Variants in KIAA1549 observed in about 807,000 individuals in gnomAD.
The protein encoded by KIAA1549 is KIAA1549, also known as UPF0606 protein KIAA1549.
A neutral mutation model predicts 156.4 loss-of-function variants in KIAA1549; 70 were observed. The observed-to-expected ratio is 0.45, with a 90% confidence interval of 0.37 to 0.55. The LOEUF (loss-of-function observed/expected upper bound fraction) is 0.55, where lower values mean the gene tolerates loss of function less well. Among genes scored for constraint, KIAA1549 ranks in the 20% least tolerant of loss-of-function variants. The pLI, the probability that KIAA1549 is intolerant of heterozygous loss-of-function variation, is 0.00. For missense variants in KIAA1549, 2,428 were observed against 2,540.9 expected (o/e 0.96, Z 0.96); for synonymous variants, 1,103 against 1,066.4 (o/e 1.03, Z -0.67).
intron 17 of KIAA1549, among the ~76,000 whole-genome samples, chr7:138,848,537 T>A (rs1307132102): frequency 6.6e-6 from 1 of 152,212 alleles, no homozygotes; most frequent in Non-Finnish European, 1.5e-5. Flanking sequence ...TAATATGAGA[T>A]CCTTTTGTGT....
rs1303920872 is a variant in KIAA1549 at position 138,834,590 on chromosome 7, CAGAA to C, written c.*3312_*3315del. The C allele has an allele frequency of 8.6e-6, 2 of 231,222 alleles. No homozygotes were observed. The highest frequency in any genetic ancestry group is 2.2e-5 in the African/African-American group (1 of 45,196). The allele number at this position is 231,222 out of a possible 1,614,324, so 14.3% of individuals were successfully genotyped here. A position where few individuals can be genotyped will look rare whatever the true frequency, so the allele number is the denominator to read the frequency against. On this transcript the variant is annotated 3_prime_UTR_variant, in exon 20 of 20. Coordinates refer to ENST00000422774, the MANE Select transcript of KIAA1549 (RefSeq NM_001164665.2). ...CTGGGTTATTTGGTGCCAGAGACAC[CAGAA>C]AGTCGGGAGCAGAAAGATGCTTAAT...
intron 1 of KIAA1549, among the ~76,000 whole-genome samples, chr7:138,948,694 CTT>C (rs11325172): frequency 0.11 from 15,417 of 138,082 alleles, 1,287 homozygotes; most frequent in African/African-American, 0.25. Context: ...TGTTTTGTGG[CTT>C]TTTTTTTTTT....
Position 138,917,676 on chromosome 7 carries a change from C to A in KIAA1549, c.1950G>T (p.Leu650=). The change falls in exon 2 of 20, where the codon CTG becomes CTT. Residue 650 remains leucine (L), a synonymous_variant. Coordinates refer to ENST00000422774, the MANE Select transcript of KIAA1549 (RefSeq NM_001164665.2). The part of the protein sequence containing the change: ...SPSEAPASLS[L]MPSDLSPFTS... Reference sequence around the variant, plus strand: ...TGAAGGGGGACAAGTCACTCGGCATCAGAGACAGAGACGCAGGTGCTTCCG... The same window carrying A: ...TGAAGGGGGACAAGTCACTCGGCATAAGAGACAGAGACGCAGGTGCTTCCG... 6.2e-7 allele frequency: 1 copy of A among 1,610,672 alleles called. No homozygotes were observed. Among genetic ancestry groups the A allele is most frequent in the Non-Finnish European group, 8.5e-7 (1 of 1,178,198 alleles).
Position 138,831,879 on chromosome 7 carries a change from C to A in KIAA1549, c.*6027G>T. On this transcript the variant is annotated 3_prime_UTR_variant, in exon 20 of 20. Transcript: ENST00000422774. ...GGGCAAAGTCGAGGGCGTTCCCACT[C>A]CCCTTTTCTGAAACAAGTCCTCTGG... 1 of 232,988 alleles carries A rather than the reference C, an allele frequency of 4.3e-6. No homozygotes were observed. Among genetic ancestry groups the A allele is most frequent in the Non-Finnish European group, 8.5e-6 (1 of 117,868 alleles). The allele number at this position is 232,988 out of a possible 1,614,324, so 14.4% of individuals were successfully genotyped here. A position where few individuals can be genotyped will look rare whatever the true frequency, so the allele number is the denominator to read the frequency against.
intron 1 of KIAA1549, among the ~76,000 whole-genome samples, chr7:138,961,964 T>A (rs547054451): frequency 6.6e-6 from 1 of 152,080 alleles, no homozygotes; most frequent in Non-Finnish European, 1.5e-5. Flanking sequence ...TTTACCTGCA[T>A]GCACCTAAAC....
At chr7:138,883,118 T>A (rs6961649) in intron 10 of KIAA1549, among the ~76,000 whole-genome samples, 34,784 of 97,006 alleles carry the variant, frequency 0.36, 7,116 homozygotes, top group African/African-American at 0.54. Flanking sequence ...AAAAAAAAAA[T>A]TCAGCCAGAC....
In KIAA1549 at chr7:138,881,483, T is replaced by C. The variant is rs369204644; in HGVS notation, c.4134A>G (p.Pro1378=). Residue 1378 remains proline (P), a synonymous_variant, in exon 11 of 20, where the codon CCA becomes CCG. Transcript: ENST00000422774. ...ILIIHEPAPL[P]GPLKDHTTPS... ...GCGTGGTGTGGTCCTTCAGAGGTCCTGGCAGTGGCGCTGGCTCATGAATAA... is the reference window on the plus strand; with the variant it reads ...GCGTGGTGTGGTCCTTCAGAGGTCCCGGCAGTGGCGCTGGCTCATGAATAA... The C allele has an allele frequency of 1.9e-5, 31 of 1,613,956 alleles. No homozygotes were observed. Among genetic ancestry groups the C allele is most frequent in the African/African-American group, 2.7e-5 (2 of 74,958 alleles).
At chr7:138,970,596 G>A (rs930814161) in intron 1 of KIAA1549, among the ~76,000 whole-genome samples, 1 of 152,182 alleles carries the variant, frequency 6.6e-6, no homozygotes, top group African/African-American at 2.4e-5. Context: ...TCACCTGGAG[G>A]TGCTTTCAAA....
rs1426843827 is a variant in KIAA1549, at chr7:138,872,608, T to A, written c.4346-1246A>T. Among the ~76,000 whole-genome samples the A allele has an allele frequency of 2.0e-5, 3 of 152,176 alleles. No individual in the cohort carries two copies. In the East Asian group the frequency reaches 5.8e-4, roughly 29 times the overall value. On this transcript the variant is annotated intron_variant, in intron 12 of 19. Coordinates refer to ENST00000422774, the MANE Select transcript of KIAA1549 (RefSeq NM_001164665.2). The stretch of plus-strand genomic sequence containing the variant: ...AGTAGAAAGAGCTAGTTACTCACAC[T>A]TAAGAAGATCAACTGGCCAGGCACA...
At chr7:138,894,682 C>A (rs1427618541) in intron 9 of KIAA1549, among the ~76,000 whole-genome samples, 156 bp from the exon 10 acceptor site, 3 of 152,178 alleles carry the variant, frequency 2.0e-5, no homozygotes, top group Non-Finnish European at 4.4e-5. Context: ...ATGTGACCAG[C>A]AGAGAAACAC....
Position 138,832,978 on chromosome 7 carries a change from GTTAGA to G in KIAA1549, c.*4923_*4927del. 1 of 231,622 alleles carries G rather than the reference GTTAGA, an allele frequency of 4.3e-6. No homozygotes were observed. Among genetic ancestry groups the G allele is most frequent in the Non-Finnish European group, 8.5e-6 (1 of 117,062 alleles). 14.3% of individuals were successfully genotyped at this position (231,622 alleles called of 1,614,324 possible). A position where few individuals can be genotyped will look rare whatever the true frequency, so the allele number is the denominator to read the frequency against. ...AAACCCTGTTAGAACGTGTTAACAT[GTTAGA>G]TTAAATGTAAAAATGAAGTTCAGTT... On this transcript the variant is annotated 3_prime_UTR_variant, in exon 20 of 20. Transcript: ENST00000422774.
intron 15 of KIAA1549, among the ~76,000 whole-genome samples, chr7:138,867,430 C>G (rs1810780134): frequency 6.6e-6 from 1 of 151,944 alleles, no homozygotes; most frequent in Non-Finnish European, 1.5e-5. Context: ...TGGCATATGC[C>G]TATGGTCCTA....
chr7:138,931,867 T>C (rs1812883134), intron 1 of KIAA1549, among the ~76,000 whole-genome samples: 1 of 152,072 alleles, frequency 6.6e-6, no homozygotes, highest in African/African-American at 2.4e-5. Context: ...ATTTAAGAAA[T>C]TGTTCCCGTC....
Position 138,869,553 on chromosome 7 carries a change from A to G in KIAA1549, c.4760T>C (p.Ile1587Thr). The change falls in exon 14 of 20, where the codon ATA (isoleucine) becomes ACA (threonine). Residue 1587 changes from isoleucine (I) to threonine (T), a missense_variant. By Grantham distance (89) the Ile-to-Thr change is moderately conservative (BLOSUM62 -1). Around this residue, in one of 5 missense-constraint regions of KIAA1549, gnomAD observed 404 missense variants for 417.0 expected, o/e 0.97. Transcript: ENST00000422774. Reference sequence around the variant, plus strand: ...CCCAGCCCACCTCTTCCTGGGCTCTATGAACACGGAGGGCACGCTGGCCGT... The same window carrying G: ...CCCAGCCCACCTCTTCCTGGGCTCTGTGAACACGGAGGGCACGCTGGCCGT... ...DPTASVPSVF[I>T]EPRKSSRIKR... 6.4e-7 allele frequency: 1 copy of G among 1,572,538 alleles called. No individual in the cohort carries two copies. Among genetic ancestry groups the G allele is most frequent in the Non-Finnish European group, 8.6e-7 (1 of 1,160,074 alleles).
At chr7:138,965,593 G>T (rs776689415) in intron 1 of KIAA1549, among the ~76,000 whole-genome samples, 1 of 152,156 alleles carries the variant, frequency 6.6e-6, no homozygotes, top group Non-Finnish European at 1.5e-5. Flanking sequence ...ATAAAATCAT[G>T]GTGTGGATCT....
chr7:138,927,613 G>A (rs1183880217), intron 1 of KIAA1549, among the ~76,000 whole-genome samples: 1 of 152,238 alleles, frequency 6.6e-6, no homozygotes, highest in Non-Finnish European at 1.5e-5. Flanking sequence ...ACTCCAGCCT[G>A]GCAATACAGC....
In KIAA1549 at chr7:138,894,359, T is replaced by C. The variant is rs1811624485; in HGVS notation, c.4015A>G (p.Ile1339Val). The C allele has an allele frequency of 6.2e-7, 1 of 1,614,000 alleles. No individual in the cohort carries two copies. The change falls in exon 10 of 20, where the codon ATT becomes GTT. Residue 1339 changes from isoleucine to valine, a missense_variant. Physicochemically the swap from Ile to Val is conservative, Grantham distance 29. Coordinates refer to ENST00000422774, the MANE Select transcript of KIAA1549 (RefSeq NM_001164665.2). The stretch of plus-strand genomic sequence containing the variant: ...CCCGTTACCTTCTGACGCTGCTGAA[T>C]GTTGGCCACAGTGTCAGGCTGAAAG... ...LDFQPDTVAN[I>V]QQRQKLQIPS... is the part of the protein sequence containing the mutation.
At chr7:138,852,354 C>A in intron 16 of KIAA1549, 85 bp from the exon 17 acceptor site, 2 of 880,636 alleles carry the variant, frequency 2.3e-6, no homozygotes, top group Admixed American at 5.9e-5. Context: ...TTCAGCTTTA[C>A]AGGATCAACT....
chr7:138,856,260 G>A (rs934584496), intron 16 of KIAA1549, among the ~76,000 whole-genome samples: 17 of 150,786 alleles, frequency 1.1e-4, no homozygotes, highest in East Asian at 3.9e-4. Context: ...GGATGGTCTC[G>A]ATCTCCTGAC....
Sources: allele counts gnomAD v4.1 joint callset (sites outside exome capture counted in the v4.1 genomes callset), GRCh38; gene constraint gnomAD v4.1.1; regional missense constraint gnomAD v4.1.1; transcripts MANE v1.5; gene names NCBI Gene and HGNC (gene_info 2026-07-23, HGNC 2026-07-21).